Variants in MTF1 observed in about 807,000 individuals in gnomAD.
The protein encoded by MTF1 is MRE-binding transcription factor.
In MTF1, 22 loss-of-function variants were observed where a neutral mutation model predicts 70.4. The ratio of observed to expected loss-of-function variants is 0.31; its 90% CI spans 0.22 to 0.45. The LOEUF (loss-of-function observed/expected upper bound fraction) is 0.45. Ranked by LOEUF, MTF1 falls within the 20% of genes least tolerant of loss-of-function variation. MTF1 has a pLI of 1.00. For missense variants in MTF1, 649 were observed against 922.0 expected, an observed-to-expected ratio of 0.70 and a Z score of 3.83; for synonymous variants, 333 against 352.8, an observed-to-expected ratio of 0.94 and a Z score of 0.63.
Position 37,850,539 on chromosome 1 carries a change from GAGAA to G in MTF1, c.408+6708_408+6711del, listed in dbSNP as rs1157280674. Among the ~76,000 whole-genome samples, 5 of 151,248 alleles carry G rather than the reference GAGAA, an allele frequency of 3.3e-5. No homozygotes were observed. The East Asian group carries it at 9.8e-4, about 30-fold the overall frequency. ...AGGGAGGGAGGAAGGGAATGAGAGA[GAGAA>G]AGAGAAAAAAAAGGGAGAGAGAAAG... On this transcript the variant is annotated intron_variant, in intron 2 of 10. Transcript: ENST00000373036.
At chr1:37,848,865 T>C (rs900599369) in intron 2 of MTF1, among the ~76,000 whole-genome samples, 2 of 152,148 alleles carry the variant, frequency 1.3e-5, no homozygotes, top group Admixed American at 6.5e-5. Context: ...AGTCGGTAGT[T>C]CCCCTCTAGG....
Position 37,817,399 on chromosome 1 carries a change from G to A in MTF1, c.1831+20C>T. 6.4e-7 allele frequency: 1 copy of A among 1,551,892 alleles called. No individual in the cohort carries two copies. The highest frequency in any genetic ancestry group is 8.9e-7 in the Non-Finnish European group (1 of 1,123,484). On this transcript the variant is annotated intron_variant, in intron 10 of 10. Transcript: ENST00000373036. ...ACCCACAGAGTTGCCTTCTCTTAAGGCTAACATGGAATTACATACCTGGGC... is the reference window on the plus strand; with the variant it reads ...ACCCACAGAGTTGCCTTCTCTTAAGACTAACATGGAATTACATACCTGGGC...
chr1:37,823,940 TATTTAAAGTAAC>T, intron 7 of MTF1, 128 bp from the exon 8 acceptor site: 1 of 653,932 alleles, frequency 1.5e-6, no homozygotes, highest in South Asian at 1.9e-5. Context: ...TACCTTCTGC[TATTTAAAGTAAC>T]ATGTATTTTC....
chr1:37,852,015 G>C (rs992734547), intron 2 of MTF1, among the ~76,000 whole-genome samples: 3 of 152,060 alleles, frequency 2.0e-5, no homozygotes, highest in African/African-American at 7.3e-5. Flanking sequence ...ACAACTAAAG[G>C]CTTCTTCGGG....
Position 37,840,287 on chromosome 1 carries a change from A to C in MTF1, c.409-129T>G, listed in dbSNP as rs201101306. ...TGGGTTTTCATCATAAACACAGAAA[A>C]CAGCCTCTAGCAGCAAAGTGGAAAA... On this transcript the variant is annotated intron_variant, in intron 2 of 10. Transcript: ENST00000373036. The surrounding 1 kb of genome is among the most constrained non-coding windows in gnomAD (Gnocchi z 4.5). The C allele has an allele frequency of 8.9e-5, 70 of 783,566 alleles. No individual in the cohort carries two copies. The highest frequency in any genetic ancestry group is 1.7e-5 in the African/African-American group (1 of 57,928). 48.5% of individuals were successfully genotyped at this position (783,566 alleles called of 1,614,324 possible). A position where few individuals can be genotyped will look rare whatever the true frequency, so the allele number is the denominator to read the frequency against.
chr1:37,850,968 G>C (rs528179455), intron 2 of MTF1, among the ~76,000 whole-genome samples: 1 of 152,054 alleles, frequency 6.6e-6, no homozygotes, highest in Non-Finnish European at 1.5e-5. Flanking sequence ...GAAAAAAAAC[G>C]AAAGGAAAAG....
intron 1 of MTF1, 48 bp from the exon 2 acceptor site, chr1:37,857,757 G>T: frequency 8.7e-7 from 1 of 1,149,042 alleles, no homozygotes; most frequent in Non-Finnish European, 1.2e-6. Flanking sequence ...AAGACCGACG[G>T]ACCTCCTCAG....
intron 9 of MTF1, among the ~76,000 whole-genome samples, chr1:37,817,810 C>T (rs1399632842): frequency 6.6e-6 from 1 of 152,236 alleles, no homozygotes; most frequent in African/African-American, 2.4e-5. Flanking sequence ...GATCCCAGGG[C>T]TAGCTTTCCT....
chr1:37,854,679 C>T (rs886157772), intron 2 of MTF1, among the ~76,000 whole-genome samples: 1 of 152,152 alleles, frequency 6.6e-6, no homozygotes, highest in Non-Finnish European at 1.5e-5. Context: ...AATTGTAGTA[C>T]AGTGTCCAGA....
chr1:37,831,785 G>GA (rs1028542296), intron 7 of MTF1, among the ~76,000 whole-genome samples: 11 of 151,294 alleles, frequency 7.3e-5, no homozygotes, highest in African/African-American at 1.9e-4. Context: ...CCATTGCACA[G>GA]AAAAAAAATA....
In MTF1 at chr1:37,828,467, G is replaced by A. The variant is rs535786816; in HGVS notation, c.1068+3778C>T. ...TTACAGGCGCCCGCCACCACACCCG[G>A]CTAATTTTTGTATTTTTAGTAGAGA... On this transcript the variant is annotated intron_variant, in intron 7 of 10. Transcript: ENST00000373036. Among the ~76,000 whole-genome samples, 3 of 152,264 alleles carry A rather than the reference G, an allele frequency of 2.0e-5. No homozygotes were observed. In the South Asian group the frequency reaches 6.2e-4, roughly 32 times the overall value.
intron 2 of MTF1, among the ~76,000 whole-genome samples, chr1:37,848,407 A>G (rs1331920460): frequency 6.6e-6 from 1 of 152,258 alleles, no homozygotes; most frequent in African/African-American, 2.4e-5. Flanking sequence ...ACATAACAGA[A>G]CAAAGCTGGA....
chr1:37,838,803 T>TTTTTTTTTTTG (rs1641211213), intron 3 of MTF1, 47 bp from the exon 4 acceptor site: 1 of 1,170,132 alleles, frequency 8.5e-7, no homozygotes, highest in Non-Finnish European at 1.1e-6. Context: ...AATTCTTTTT[T>TTTTTTTTTTTG]TTTTTTTTTT....
intron 2 of MTF1, among the ~76,000 whole-genome samples, chr1:37,842,511 G>A (rs142438824): frequency 1.3e-5 from 2 of 152,278 alleles, no homozygotes; most frequent in East Asian, 3.9e-4. Flanking sequence ...CTCAATGTCT[G>A]AAAACTTGTC....
Position 37,839,966 on chromosome 1 carries a change from C to A in MTF1, c.601G>T (p.Glu201Ter). Residue 201 changes from glutamate (E) to a stop codon, truncating the protein, a stop_gained, in exon 3 of 11, where the codon GAG becomes TAG. Transcript: ENST00000373036. LOFTEE classifies it high-confidence loss of function. ...TTCTCACAGCCCTGCACGTCACACTCAAATGGCTTCTCCTTCGTGTGCACT... is the reference window on the plus strand; with the variant it reads ...TTCTCACAGCCCTGCACGTCACACTAAAATGGCTTCTCCTTCGTGTGCACT... ...VRVHTKEKPF[E>*]CDVQGCEKAF... The A allele has an allele frequency of 6.2e-7, 1 of 1,614,222 alleles. No individual in the cohort carries two copies. The highest frequency in any genetic ancestry group is 1.1e-5 in the South Asian group (1 of 91,070).
At position 37,812,915 on chromosome 1, in the gene MTF1, C is replaced by T. The variant is rs1232823325; in HGVS notation, c.*2221G>A. On this transcript the variant is annotated 3_prime_UTR_variant, in exon 11 of 11. Transcript: ENST00000373036. ...GACTGGAAACCTCCTGCCTTATCAA[C>T]TTCTGCTGAGGTCAATGGTCAACAG... 6.6e-6 allele frequency: 1 copy of T among 152,226 alleles called. No homozygotes were observed. The highest frequency in any genetic ancestry group is 2.4e-5 in the African/African-American group (1 of 41,458). The allele number at this position is 152,226 out of a possible 1,614,324, so 9.4% of individuals were successfully genotyped here.
Position 37,812,217 on chromosome 1 carries a change from A to C in MTF1, c.*2919T>G, listed in dbSNP as rs1201614441. ...TCATTTCCCAAGTTTGGGAAACCACACTCACCATGAAGGTTCTTTCTGGCT... is the reference window on the plus strand; with the variant it reads ...TCATTTCCCAAGTTTGGGAAACCACCCTCACCATGAAGGTTCTTTCTGGCT... On this transcript the variant is annotated 3_prime_UTR_variant, in exon 11 of 11. Transcript: ENST00000373036. The C allele has an allele frequency of 6.6e-6, 1 of 152,004 alleles. No homozygotes were observed. The highest frequency in any genetic ancestry group is 1.9e-4 in the East Asian group (1 of 5,186). The allele number at this position is 152,004 out of a possible 1,614,324, so 9.4% of individuals were successfully genotyped here.
chr1:37,835,852 G>C, intron 4 of MTF1, 108 bp from the exon 5 acceptor site: 1 of 874,236 alleles, frequency 1.1e-6, no homozygotes, highest in South Asian at 1.4e-5. Context: ...CAAGGCTGGA[G>C]TGCAGTGGCG....
chr1:37,821,172 TATAATA>T (rs71573763), intron 9 of MTF1, among the ~76,000 whole-genome samples: 3 of 149,740 alleles, frequency 2.0e-5, no homozygotes, highest in African/African-American at 4.9e-5. Context: ...CCTCAAAATA[TATAATA>T]ATAATAATAA....
Sources: gnomAD v4.1 joint callset for allele counts (sites outside exome capture counted in the v4.1 genomes callset) on GRCh38, gnomAD v4.1.1 for gene constraint, Gnocchi (gnomAD v3.1) non-coding constraint, MANE v1.5 for transcripts, NCBI Gene and HGNC (gene_info 2026-07-23, HGNC 2026-07-21) for gene names.